Variants in BDH1 observed in about 807,000 individuals in gnomAD.
The protein encoded by BDH1 is D-beta-hydroxybutyrate dehydrogenase, mitochondrial.
A neutral mutation model predicts 33.1 loss-of-function variants in BDH1; 30 were observed. The observed-to-expected ratio is 0.91, with a 90% confidence interval of 0.68 to 1.23. The LOEUF (loss-of-function observed/expected upper bound fraction) is 1.23. BDH1 is among the 50% of genes most tolerant of loss of function. The pLI, the probability that BDH1 is intolerant of heterozygous loss-of-function variation, is 0.00. For synonymous variants in BDH1, 190 were observed against 183.6 expected (o/e 1.03, Z -0.28); for missense variants, 443 against 464.4 (o/e 0.95, Z 0.42).
In BDH1 at chr3:197,523,585, A is replaced by G. The variant is rs537702236; in HGVS notation, c.268-804T>C. ...GAAAGGCGTCACTCGCTCGGCAAACATTTCTTGGGCCCCTATCGTGTTCCG... is the reference window on the plus strand; with the variant it reads ...GAAAGGCGTCACTCGCTCGGCAAACGTTTCTTGGGCCCCTATCGTGTTCCG... On this transcript the variant is annotated intron_variant, in intron 5 of 7. Coordinates refer to ENST00000392379, the MANE Select transcript of BDH1 (RefSeq NM_203314.3). The surrounding 1 kb of genome is among the most constrained non-coding windows in gnomAD (Gnocchi z 4.5). Among the ~76,000 whole-genome samples the G allele has an allele frequency of 6.6e-6, 1 of 152,298 alleles. No homozygotes were observed. The highest frequency in any genetic ancestry group is 1.9e-4 in the East Asian group (1 of 5,188).
chr3:197,541,698 T>C (rs2484), intron 3 of BDH1, among the ~76,000 whole-genome samples: 23,629 of 151,976 alleles, frequency 0.16, 2,599 homozygotes, highest in African/African-American at 0.31. Context: ...TTCCTTTGCC[T>C]AGCCTCACTC....
chr3:197,531,421 A>G (rs1714641380), intron 5 of BDH1, among the ~76,000 whole-genome samples: 1 of 137,730 alleles, frequency 7.3e-6, no homozygotes, highest in Non-Finnish European at 1.5e-5. Flanking sequence ...AAAAAAAAAT[A>G]TATATATATA....
intron 3 of BDH1, among the ~76,000 whole-genome samples, chr3:197,543,633 G>A (rs1715845180): frequency 6.6e-6 from 1 of 152,224 alleles, no homozygotes; most frequent in Non-Finnish European, 1.5e-5. Context: ...TCATCTGGAC[G>A]GAGCCATGTG....
At chr3:197,513,461 A>AGCCCATCCAGGTGTGCCCCCAGGAGGGCC (rs1712325198) in intron 7 of BDH1, among the ~76,000 whole-genome samples, 2 of 97,628 alleles carry the variant, frequency 2.0e-5, no homozygotes, top group Admixed American at 9.4e-5. Flanking sequence ...CCGGGAGGGC[A>AGCCCATCCAGGTGTGCCCCCAGGAGGGCC]CTCAGCCCAT....
intron 5 of BDH1, among the ~76,000 whole-genome samples, chr3:197,531,548 C>T (rs1714666183): frequency 6.6e-6 from 1 of 151,520 alleles, no homozygotes; most frequent in Non-Finnish European, 1.5e-5. Context: ...ACATGGATGA[C>T]TCTCAAAAAC....
intron 3 of BDH1, chr3:197,543,145 AG>A: frequency 1.0e-6 from 1 of 985,398 alleles, no homozygotes; most frequent in East Asian, 1.1e-4. Flanking sequence ...TGCTGAGAGG[AG>A]CCATGAGTCC....
At chr3:197,530,404 C>G (rs1714530341) in intron 5 of BDH1, 1 of 151,964 alleles carries the variant, frequency 6.6e-6, no homozygotes, top group African/African-American at 2.4e-5. Context: ...GGTGAAGCCC[C>G]CTCTCTACTA....
intron 1 of BDH1, among the ~76,000 whole-genome samples, chr3:197,570,306 C>A (rs536168172): frequency 6.6e-6 from 1 of 152,218 alleles, no homozygotes; most frequent in Non-Finnish European, 1.5e-5. Context: ...AAATTTGCAG[C>A]CTGACGCAAT....
At chr3:197,531,021 T>C (rs1407374306) in intron 5 of BDH1, among the ~76,000 whole-genome samples, 1 of 152,130 alleles carries the variant, frequency 6.6e-6, no homozygotes, top group African/African-American at 2.4e-5. Context: ...GGAAAACAGA[T>C]CACAAATAAA....
chr3:197,522,556 G>C lies in BDH1; in HGVS notation c.409+84C>G. On this transcript the variant is annotated intron_variant, in intron 6 of 7. Coordinates refer to ENST00000392379, the MANE Select transcript of BDH1 (RefSeq NM_203314.3). This position sits in a 1 kb window ranked among gnomAD's most constrained non-coding sequence, Gnocchi z 4.8. ...AAGGAAGGGAGTGTGGTGGCAGGAT[G>C]CCAGCCAGTGGAAGGTGGTGTTCGG... The C allele has an allele frequency of 1.3e-6, 2 of 1,547,478 alleles. No homozygotes were observed. The highest frequency in any genetic ancestry group is 2.4e-5 in the South Asian group (2 of 84,356).
Position 197,554,983 on chromosome 3 carries a change from G to A in BDH1, c.-195-270C>T, listed in dbSNP as rs34350299. 0.054 allele frequency among the ~76,000 whole-genome samples: 8,268 copies of A among 152,344 alleles called. 293 individuals are homozygous for A. Among genetic ancestry groups the A allele is most frequent in the African/African-American group, 0.085 (3,525 of 41,572 alleles). On this transcript the variant is annotated intron_variant, in intron 1 of 7. Coordinates refer to ENST00000392379, the MANE Select transcript of BDH1 (RefSeq NM_203314.3). This position sits in a 1 kb window ranked among gnomAD's most constrained non-coding sequence, Gnocchi z 4.4. ...CCGGCCGGAGGGCGGGGAGAGAGGG[G>A]GGCTCGGCCAGAGCCACGCTTCCCA... is the stretch of plus-strand genomic sequence containing the variant.
intron 5 of BDH1, among the ~76,000 whole-genome samples, chr3:197,531,766 G>A (rs919654027): frequency 1.3e-5 from 2 of 152,062 alleles, no homozygotes; most frequent in African/African-American, 2.4e-5. Context: ...GGTGGTGGGC[G>A]CACAACTTTC....
chr3:197,556,075 C>T (rs907170893), upstream of BDH1: 4 of 152,256 alleles, frequency 2.6e-5, no homozygotes, highest in South Asian at 8.3e-4. Flanking sequence ...TGGCGCTCCT[C>T]CCGCCCAAGG....
At position 197,520,443 on chromosome 3, in the gene BDH1, C is replaced by T. The variant is rs535561335; in HGVS notation, c.409+2197G>A. On this transcript the variant is annotated intron_variant, in intron 6 of 7. Coordinates refer to ENST00000392379, the MANE Select transcript of BDH1 (RefSeq NM_203314.3). This position sits in a 1 kb window ranked among gnomAD's most constrained non-coding sequence, Gnocchi z 6.0. ...CAGATCCCCGGGCAGGGGGTGAGTG[C>T]CTCCCCTCTGTGTGGGCCGGGGCCC... Among the ~76,000 whole-genome samples the T allele has an allele frequency of 2.0e-5, 3 of 152,288 alleles. No homozygotes were observed. In the South Asian group the frequency reaches 6.2e-4, roughly 32 times the overall value.
chr3:197,552,294 CT>C (rs2108765243), intron 2 of BDH1, among the ~76,000 whole-genome samples: 1 of 152,288 alleles, frequency 6.6e-6, no homozygotes, highest in Admixed American at 6.5e-5. Flanking sequence ...GCCTTCATCC[CT>C]TCTTGCCTGG....
intron 2 of BDH1, among the ~76,000 whole-genome samples, chr3:197,551,428 A>C (rs1381115017): frequency 6.6e-6 from 1 of 151,904 alleles, no homozygotes; most frequent in Non-Finnish European, 1.5e-5. Flanking sequence ...GCTGAATACT[A>C]CTCCATTGTG....
chr3:197,522,842 G>A lies in BDH1; in HGVS notation c.268-61C>T, dbSNP rs897547916. ...CTTCCCACCCTGAGGCAGACCCTGA[G>A]GACTCCTGTCAAGGCAGGAGCTGGC... is the stretch of plus-strand genomic sequence containing the variant. On this transcript the variant is annotated intron_variant, in intron 5 of 7. Coordinates refer to ENST00000392379, the MANE Select transcript of BDH1 (RefSeq NM_203314.3). This position sits in a 1 kb window ranked among gnomAD's most constrained non-coding sequence, Gnocchi z 4.8. The A allele has an allele frequency of 3.2e-6, 5 of 1,582,760 alleles. No homozygotes were observed. Among genetic ancestry groups the A allele is most frequent in the East Asian group, 2.2e-5 (1 of 44,476 alleles).
chr3:197,571,133 C>T (rs1254676492), intron 1 of BDH1, among the ~76,000 whole-genome samples: 1 of 152,212 alleles, frequency 6.6e-6, no homozygotes, highest in African/African-American at 2.4e-5. Context: ...GAACCTTTGG[C>T]CCCTTCGTTT....
Position 197,522,960 on chromosome 3 carries a change from ACCTAT to A in BDH1, c.268-184_268-180del. On this transcript the variant is annotated intron_variant, in intron 5 of 7. Coordinates refer to ENST00000392379, the MANE Select transcript of BDH1 (RefSeq NM_203314.3). This position sits in a 1 kb window ranked among gnomAD's most constrained non-coding sequence, Gnocchi z 4.8. ...TTCTTTTTAATCCTGAGCACTGATG[ACCTAT>A]CAAGCATCAAGCTATGTGCCACAGA... The A allele has an allele frequency of 1.6e-6, 1 of 634,972 alleles. No individual in the cohort carries two copies. Among genetic ancestry groups the A allele is most frequent in the South Asian group, 2.1e-5 (1 of 47,572 alleles). 39.3% of individuals were successfully genotyped at this position (634,972 alleles called of 1,614,324 possible). A position where few individuals can be genotyped will look rare whatever the true frequency, so the allele number is the denominator to read the frequency against.
Sources: allele counts gnomAD v4.1 joint callset (sites outside exome capture counted in the v4.1 genomes callset), GRCh38; gene constraint gnomAD v4.1.1; non-coding constraint Gnocchi (gnomAD v3.1); transcripts MANE v1.5; gene names NCBI Gene and HGNC (gene_info 2026-07-23, HGNC 2026-07-21).